Variants in ITK observed in about 807,000 individuals in gnomAD.
ITK encodes the protein IL2 inducible T cell kinase.
ITK carries 45 observed loss-of-function variants against 87.6 expected under a neutral mutation model. That is an observed-to-expected ratio of 0.51 (90% confidence interval 0.40 to 0.66). The LOEUF is 0.66. Among genes scored for constraint, ITK ranks in the 30% least tolerant of loss-of-function variants. The pLI is 0.00. For synonymous variants in ITK, 303 were observed against 273.6 expected, an observed-to-expected ratio of 1.11 and a Z score of -1.06; for missense variants, 605 against 766.3, an observed-to-expected ratio of 0.79 and a Z score of 2.48.
chr5:157,242,316 T>C (rs1177659525), intron 11 of ITK, among the ~76,000 whole-genome samples: 1 of 152,230 alleles, frequency 6.6e-6, no homozygotes, highest in East Asian at 1.9e-4. Context: ...AACTGTGTGC[T>C]GCCTGTGGAG....
chr5:157,183,086 T>G (rs1753569968), intron 1 of ITK, among the ~76,000 whole-genome samples: 1 of 152,118 alleles, frequency 6.6e-6, no homozygotes, highest in Non-Finnish European at 1.5e-5. Flanking sequence ...CTAATGCCTT[T>G]TTTACTCTTA....
chr5:157,213,006 A>T (rs1404528705), intron 3 of ITK, among the ~76,000 whole-genome samples: 1 of 152,176 alleles, frequency 6.6e-6, no homozygotes, highest in Admixed American at 6.5e-5. Context: ...TTATTTATTT[A>T]TTCATTGAGA....
At chr5:157,204,985 T>A (rs1362870534) in intron 1 of ITK, among the ~76,000 whole-genome samples, 1 of 152,164 alleles carries the variant, frequency 6.6e-6, no homozygotes, top group Admixed American at 6.5e-5. Flanking sequence ...AAACAGGAAG[T>A]AAAGACTGAA....
At chr5:157,230,163 A>T (rs1421280444) in intron 7 of ITK, among the ~76,000 whole-genome samples, 1 of 152,208 alleles carries the variant, frequency 6.6e-6, no homozygotes, top group East Asian at 1.9e-4. Context: ...ACACAGAAGT[A>T]CTTAGGAATA....
chr5:157,235,941 A>G (rs1754766888), intron 8 of ITK, among the ~76,000 whole-genome samples: 1 of 152,228 alleles, frequency 6.6e-6, no homozygotes, highest in South Asian at 2.1e-4. Context: ...ATAATGGCCA[A>G]TAATACTCTA....
At chr5:157,241,184 C>T (rs958703942) in intron 10 of ITK, 8 of 156,442 alleles carry the variant, frequency 5.1e-5, no homozygotes, top group Admixed American at 1.9e-4. Flanking sequence ...GTAATCTGCC[C>T]GCCTCAGCCT....
chr5:157,223,018 A>G lies in ITK; in HGVS notation c.647+4A>G. 1.2e-6 allele frequency: 2 copies of G among 1,614,062 alleles called. No individual in the cohort carries two copies. Among genetic ancestry groups the G allele is most frequent in the Non-Finnish European group, 1.7e-6 (2 of 1,179,994 alleles). Reference sequence around the variant, plus strand: ...GGAGAGTCCAGGACAGGAATGGGTAAGTCATCTTTGTGGCTGCTGTCCCCG... The same window carrying G: ...GGAGAGTCCAGGACAGGAATGGGTAGGTCATCTTTGTGGCTGCTGTCCCCG... On this transcript the variant is annotated splice_donor_region_variant and intron_variant, in intron 6 of 16. Transcript: ENST00000422843.
intron 4 of ITK, among the ~76,000 whole-genome samples, chr5:157,215,818 C>G (rs1230515137): frequency 6.6e-6 from 1 of 152,184 alleles, no homozygotes; most frequent in African/African-American, 2.4e-5. Context: ...TTCTGAAATT[C>G]TTTGACTTGG....
chr5:157,199,814 A>G (rs1344542403), intron 1 of ITK: 1 of 152,204 alleles, frequency 6.6e-6, no homozygotes, highest in Non-Finnish European at 1.5e-5. Flanking sequence ...TATCATTTTC[A>G]TGTTTTTTCC....
At chr5:157,244,869 T>C (rs1250815533) in intron 13 of ITK, 1 of 282,144 alleles carries the variant, frequency 3.5e-6, no homozygotes. Flanking sequence ...GAATCTCTGG[T>C]GGCTGGGACT....
At chr5:157,183,359 G>A (rs1321587954) in intron 1 of ITK, among the ~76,000 whole-genome samples, 1 of 152,152 alleles carries the variant, frequency 6.6e-6, no homozygotes, top group Non-Finnish European at 1.5e-5. Context: ...AAATGGGTGT[G>A]ATAATAGTAC....
chr5:157,227,375 A>G (rs1240781927), intron 6 of ITK, among the ~76,000 whole-genome samples: 7 of 152,340 alleles, frequency 4.6e-5, no homozygotes, highest in East Asian at 1.9e-4. Context: ...TTTATGCACA[A>G]TTATTAATTC....
chr5:157,234,309 C>T (rs912705660), intron 8 of ITK, among the ~76,000 whole-genome samples: 2 of 152,076 alleles, frequency 1.3e-5, no homozygotes, highest in African/African-American at 4.8e-5. Context: ...AGCTACTTTA[C>T]CAAATTCTCT....
intron 4 of ITK, among the ~76,000 whole-genome samples, chr5:157,215,981 T>C (rs152115): frequency 0.71 from 107,952 of 152,066 alleles, 38,845 homozygotes; most frequent in East Asian, 0.98. Context: ...CTGGTCATGC[T>C]GAGCTGTTCC....
At chr5:157,196,612 C>G (rs1291092172) in intron 1 of ITK, among the ~76,000 whole-genome samples, 1 of 152,104 alleles carries the variant, frequency 6.6e-6, no homozygotes, top group Non-Finnish European at 1.5e-5. Context: ...AAATCTTATT[C>G]CAAATCATTT....
At chr5:157,182,920 T>C (rs1032615626) in intron 1 of ITK, among the ~76,000 whole-genome samples, 2 of 152,162 alleles carry the variant, frequency 1.3e-5, no homozygotes, top group Non-Finnish European at 2.9e-5. Flanking sequence ...ATAATTTGCA[T>C]GTAGACAAGG....
Position 157,206,422 on chromosome 5 carries a change from G to C in ITK, c.139-2467G>C, listed in dbSNP as rs75308057. Among the ~76,000 whole-genome samples the C allele has an allele frequency of 4.5e-3, 680 of 152,218 alleles. 5 individuals are homozygous for C. The highest frequency in any genetic ancestry group is 0.015 in the African/African-American group (640 of 41,518). ...TCATAGAATAAGTTGTGGGGGAGAC[G>C]CTCCTCCTCAATTTCTTGGAATGGT... On this transcript the variant is annotated intron_variant, in intron 1 of 16. Coordinates refer to ENST00000422843, the MANE Select transcript of ITK (RefSeq NM_005546.4).
Position 157,191,365 on chromosome 5 carries a change from CAGT to C in ITK, c.138+10253_138+10255del, listed in dbSNP as rs199942528. On this transcript the variant is annotated intron_variant, in intron 1 of 16. Coordinates refer to ENST00000422843, the MANE Select transcript of ITK (RefSeq NM_005546.4). ...AGGATCAACACTGAGCTCAGATAGACAGTAGCAGCAAAGACTGAAACCAAATTA... is the reference window on the plus strand; with the variant it reads ...AGGATCAACACTGAGCTCAGATAGACAGCAGCAAAGACTGAAACCAAATTA... Among the ~76,000 whole-genome samples, 1,127 of 152,238 alleles carry C rather than the reference CAGT, an allele frequency of 7.4e-3. 13 individuals are homozygous for C. Among genetic ancestry groups the C allele is most frequent in the African/African-American group, 0.021 (874 of 41,542 alleles).
At chr5:157,196,780 G>A (rs1304611681) in intron 1 of ITK, among the ~76,000 whole-genome samples, 3 of 152,164 alleles carry the variant, frequency 2.0e-5, no homozygotes, top group Non-Finnish European at 2.9e-5. Flanking sequence ...ATGCACTTAT[G>A]TATTTTGGCT....
Sources: allele counts gnomAD v4.1 joint callset (sites outside exome capture counted in the v4.1 genomes callset), GRCh38; gene constraint gnomAD v4.1.1; transcripts MANE v1.5; gene names NCBI Gene and HGNC (gene_info 2026-07-23, HGNC 2026-07-21).